The following ACTR8 variants were observed in gnomAD, a reference collection of about 807,000 sequenced individuals.
ACTR8 encodes actin related protein 8, also known as actin-related protein 8.
A neutral mutation model predicts 84.3 loss-of-function variants in ACTR8; 70 were observed. The observed-to-expected ratio is 0.83, with a 90% CI of 0.68 to 1.01. The LOEUF (loss-of-function observed/expected upper bound fraction) is 1.01, where lower values mean the gene tolerates loss of function less well. Among genes scored for constraint, ACTR8 ranks in the 50% least tolerant of loss-of-function variants. The probability of loss-of-function intolerance (pLI) is 0.00; values close to 1 mark genes in which losing one functional copy is unlikely to be tolerated. For synonymous variants in ACTR8, 268 were observed against 275.2 expected (o/e 0.97, Z 0.26); for missense variants, 672 against 775.4 (o/e 0.87, Z 1.58).
At chr3:53,861,761 C>T in the ACTR8 span, among the ~76,000 whole-genome samples, 12 of 152,226 alleles carry the variant, frequency 7.9e-5, no homozygotes, top group South Asian at 2.1e-4. Flanking sequence ...GGTGAGTTCC[C>T]GGATGCCATT....
chr3:53,877,738 T>G lies in ACTR8; in HGVS notation c.419A>C (p.Asn140Thr). Reference sequence around the variant, plus strand: ...TAAAATTGCAGGTCGCATCTGCTTATTGTAGGAGCGTGCCTGAAAAGAAAA... The same window carrying G: ...TAAAATTGCAGGTCGCATCTGCTTAGTGTAGGAGCGTGCCTGAAAAGAAAA... ...PVSPEQARSY[N>T]KQMRPAILDH... The change falls in exon 4 of 13, where the codon AAT becomes ACT. Residue 140 changes from asparagine to threonine, a missense_variant. By Grantham distance (65) the Asn-to-Thr change is moderately conservative. Transcript: ENST00000335754. 1 of 1,614,100 alleles carries G rather than the reference T, an allele frequency of 6.2e-7. No individual in the cohort carries two copies. The highest frequency in any genetic ancestry group is 1.6e-4 in the Middle Eastern group (1 of 6,062).
At position 53,868,432 on chromosome 3, in the gene ACTR8, A is replaced by G. The variant is rs2107045407; in HGVS notation, c.*287T>C. ...GGGCTTCACCACATGAGAACCTTCA[A>G]TAGCAACGTTTACATCACTGGGGAG... On this transcript the variant is annotated 3_prime_UTR_variant, in exon 13 of 13. Transcript: ENST00000335754. 1 of 327,478 alleles carries G rather than the reference A, an allele frequency of 3.1e-6. No individual in the cohort carries two copies. Among genetic ancestry groups the G allele is most frequent in the East Asian group, 6.0e-5 (1 of 16,634 alleles). 20.3% of individuals were successfully genotyped at this position (327,478 alleles called of 1,614,324 possible).
At chr3:53,873,819 T>C (rs573783985) in intron 8 of ACTR8, among the ~76,000 whole-genome samples, 2 of 152,046 alleles carry the variant, frequency 1.3e-5, no homozygotes, top group African/African-American at 4.8e-5. Flanking sequence ...GTTACTTCAT[T>C]TTATTTATTT....
chr3:53,876,999 G>A (rs1699984060), intron 5 of ACTR8, among the ~76,000 whole-genome samples: 1 of 151,658 alleles, frequency 6.6e-6, no homozygotes, highest in South Asian at 2.1e-4. Flanking sequence ...TTGCTGATTC[G>A]AGTAATAGAG....
At chr3:53,860,253 C>T in the ACTR8 span, 5 of 1,549,722 alleles carry the variant, frequency 3.2e-6, no homozygotes, top group African/African-American at 5.5e-5. Flanking sequence ...TCTTTAAAGA[C>T]ATCCTAGTAA....
chr3:53,868,937 G>C, intron 12 of ACTR8, 75 bp from the exon 13 acceptor site: 3 of 1,533,100 alleles, frequency 2.0e-6, no homozygotes, highest in Non-Finnish European at 2.6e-6. Flanking sequence ...ATATGGGGCC[G>C]AGAAAAATCC....
chr3:53,869,421 A>G (rs1227252595), intron 12 of ACTR8, among the ~76,000 whole-genome samples: 6 of 152,252 alleles, frequency 3.9e-5, no homozygotes, highest in Non-Finnish European at 8.8e-5. Context: ...ACAGGAACAT[A>G]TATAAATAAA....
At chr3:53,866,351 T>G (rs1699777353), downstream of ACTR8, among the ~76,000 whole-genome samples, 1 of 132,324 alleles carries the variant, frequency 7.6e-6, no homozygotes, top group Non-Finnish European at 1.7e-5. Flanking sequence ...GCCACTGCAC[T>G]CCATCCTGGG....
the ACTR8 span, chr3:53,859,203 A>T: frequency 6.3e-6 from 1 of 159,966 alleles, no homozygotes; most frequent in African/African-American, 2.4e-5. Context: ...GTGGCCCAGG[A>T]TGAGCTTTTG....
the ACTR8 span, chr3:53,859,158 T>G: frequency 2.0e-4 from 35 of 173,730 alleles, no homozygotes; most frequent in East Asian, 4.7e-4. Context: ...TGAGAATGAA[T>G]ATTTCACTAT....
At chr3:53,881,896 A>C in intron 1 of ACTR8, 83 bp downstream of exon 1, 1 of 1,540,320 alleles carries the variant, frequency 6.5e-7, no homozygotes, top group Non-Finnish European at 8.7e-7. Flanking sequence ...GGGGACTCGA[A>C]GCCTCCCGCC....
chr3:53,871,868 C>G (rs1319946681), intron 10 of ACTR8, among the ~76,000 whole-genome samples: 1 of 152,172 alleles, frequency 6.6e-6, no homozygotes, highest in Non-Finnish European at 1.5e-5. Flanking sequence ...ACTTTCAGAT[C>G]CTATGAGTCC....
downstream of ACTR8, among the ~76,000 whole-genome samples, chr3:53,864,427 C>G (rs367979026): frequency 2.0e-5 from 3 of 151,852 alleles, no homozygotes; most frequent in Non-Finnish European, 4.4e-5. Context: ...CCCAGCTACT[C>G]GGGAGGCTGA....
At chr3:53,880,134 T>A (rs1700037083) in intron 1 of ACTR8, 25 bp from the exon 2 acceptor site, 1 of 1,599,560 alleles carries the variant, frequency 6.3e-7, no homozygotes, top group Admixed American at 1.7e-5. Context: ...CATAGATGTG[T>A]GACTTTGTAA....
chr3:53,871,641 T>C (rs1699885280), intron 10 of ACTR8, 145 bp from the exon 11 acceptor site: 1 of 949,356 alleles, frequency 1.1e-6, no homozygotes, highest in East Asian at 2.6e-5. Context: ...CATTCCCAGG[T>C]AACTTAGGAA....
At chr3:53,865,905 G>T (rs1699766619), downstream of ACTR8, 1 of 152,118 alleles carries the variant, frequency 6.6e-6, no homozygotes, top group South Asian at 2.1e-4. Flanking sequence ...TTGTACAGGT[G>T]CCTTTTAACA....
At chr3:53,878,286 G>T in intron 3 of ACTR8, 71 bp downstream of exon 3, 2 of 1,157,582 alleles carry the variant, frequency 1.7e-6, no homozygotes, top group South Asian at 2.5e-5. Context: ...AGTGGTATAG[G>T]AAGAACATGT....
At position 53,868,477 on chromosome 3, in the gene ACTR8, G is replaced by C. The variant is rs1576858804; in HGVS notation, c.*242C>G. The C allele has an allele frequency of 2.0e-6, 1 of 511,406 alleles. No individual in the cohort carries two copies. The highest frequency in any genetic ancestry group is 2.0e-5 in the African/African-American group (1 of 50,886). The allele number at this position is 511,406 out of a possible 1,614,324, so 31.7% of individuals were successfully genotyped here. ...GGGGAGTTTATGAGACCCTGAGAGA[G>C]GGCAAGAGAGTTTACAACTGAAGAG... On this transcript the variant is annotated 3_prime_UTR_variant, in exon 13 of 13. Transcript: ENST00000335754.
chr3:53,867,652 G>T lies in ACTR8; in HGVS notation c.*1067C>A, dbSNP rs12633896. The stretch of plus-strand genomic sequence containing the variant: ...GCAGGTGCCTAGAAGCAAGCAGCAG[G>T]AAGCAGCATTTTCCCACTCCTCCCA... On this transcript the variant is annotated 3_prime_UTR_variant, in exon 13 of 13. Transcript: ENST00000335754. 0.085 allele frequency: 13,007 copies of T among 152,290 alleles called. 709 individuals carry two copies. Among genetic ancestry groups the T allele is most frequent in the East Asian group, 0.23 (1,182 of 5,156 alleles). The allele number at this position is 152,290 out of a possible 1,614,324, so 9.4% of individuals were successfully genotyped here.
Sources: allele counts gnomAD v4.1 joint callset (sites outside exome capture counted in the v4.1 genomes callset), GRCh38; gene constraint gnomAD v4.1.1; transcripts MANE v1.5; gene names NCBI Gene and HGNC (gene_info 2026-07-23, HGNC 2026-07-21).